The following ROBO2 variants were observed in gnomAD, a reference collection of about 807,000 sequenced individuals.
ROBO2 encodes roundabout guidance receptor 2, also known as roundabout homolog 2.
ROBO2 carries 53 observed loss-of-function variants against 160.8 expected under a neutral mutation model. The observed-to-expected ratio is 0.33, with a 90% CI of 0.26 to 0.41. The LOEUF (loss-of-function observed/expected upper bound fraction) is 0.41. ROBO2 is among the 10% of genes least tolerant of loss of function. The pLI is 1.00. For synonymous variants in ROBO2, 664 were observed against 611.7 expected, an observed-to-expected ratio of 1.09 and a Z score of -1.26; for missense variants, 1,577 against 1,722.4, an observed-to-expected ratio of 0.92 and a Z score of 1.49.
At chr3:76,433,013 GACC>G (rs1366428913) in intron 2 of ROBO2, among the ~76,000 whole-genome samples, 3 of 152,122 alleles carry the variant, frequency 2.0e-5, no homozygotes, top group African/African-American at 7.2e-5. Context: ...TAGAAACTGT[GACC>G]ACCATCTCAA....
intron 2 of ROBO2, among the ~76,000 whole-genome samples, chr3:76,022,004 T>C (rs910982119): frequency 5.9e-5 from 9 of 151,784 alleles, no homozygotes; most frequent in African/African-American, 2.2e-4. Context: ...GCCACTGCTC[T>C]ATCAACTAAG....
chr3:77,531,898 T>C (rs2091758200), intron 6 of ROBO2, among the ~76,000 whole-genome samples: 1 of 152,076 alleles, frequency 6.6e-6, no homozygotes, highest in Admixed American at 6.6e-5. Flanking sequence ...TCTTAATGTT[T>C]CCTGCACCTG....
chr3:76,354,646 G>T (rs1205586651), intron 2 of ROBO2, among the ~76,000 whole-genome samples: 1 of 151,748 alleles, frequency 6.6e-6, no homozygotes, highest in Non-Finnish European at 1.5e-5. Context: ...TCATCTGAAG[G>T]TGATGAATTT....
intron 2 of ROBO2, among the ~76,000 whole-genome samples, chr3:77,340,103 T>C (rs2066907166): frequency 6.6e-6 from 1 of 152,128 alleles, no homozygotes; most frequent in African/African-American, 2.4e-5. Flanking sequence ...TGTCCTATGT[T>C]CTTTGCTATC....
intron 2 of ROBO2, among the ~76,000 whole-genome samples, chr3:75,998,797 A>G (rs2065800885): frequency 6.6e-6 from 1 of 152,228 alleles, no homozygotes; most frequent in African/African-American, 2.4e-5. Flanking sequence ...AATAATTAGT[A>G]AGGACTGTGA....
chr3:75,939,007 AG>A (rs1947918864), intron 2 of ROBO2, among the ~76,000 whole-genome samples: 2 of 152,066 alleles, frequency 1.3e-5, no homozygotes, highest in African/African-American at 4.8e-5. Flanking sequence ...TGTGGCTGTA[AG>A]AGTTGTTTAT....
At chr3:76,640,918 C>T (rs725226) in intron 2 of ROBO2, among the ~76,000 whole-genome samples, 25,363 of 152,072 alleles carry the variant, frequency 0.17, 2,307 homozygotes, top group Non-Finnish European at 0.2. Context: ...ATTTGAGCGG[C>T]AAAATGAATA....
intron 2 of ROBO2, among the ~76,000 whole-genome samples, chr3:77,260,112 G>A (rs967510626): frequency 9.2e-5 from 14 of 152,052 alleles, no homozygotes; most frequent in African/African-American, 1.7e-4. Flanking sequence ...AATGTCTGAT[G>A]AAAGTAATAA....
intron 1 of ROBO2, among the ~76,000 whole-genome samples, chr3:75,927,808 T>C (rs1947346931): frequency 6.6e-6 from 1 of 152,184 alleles, no homozygotes; most frequent in Admixed American, 6.5e-5. Context: ...ATTTAACAAA[T>C]TCTCCTCTTT....
intron 2 of ROBO2, among the ~76,000 whole-genome samples, chr3:76,379,027 T>C (rs1417169028): frequency 6.6e-6 from 1 of 152,158 alleles, no homozygotes; most frequent in Non-Finnish European, 1.5e-5. Flanking sequence ...AAGATCATAA[T>C]ATCAGCATTG....
At chr3:76,389,011 A>G (rs2108625007) in intron 2 of ROBO2, among the ~76,000 whole-genome samples, 1 of 152,344 alleles carries the variant, frequency 6.6e-6, no homozygotes, top group East Asian at 1.9e-4. Context: ...CTGTCTTCAA[A>G]AACTACACTT....
At chr3:76,082,256 G>A (rs2068860901) in intron 2 of ROBO2, among the ~76,000 whole-genome samples, 1 of 152,186 alleles carries the variant, frequency 6.6e-6, no homozygotes, top group South Asian at 2.1e-4. Context: ...ACCAGAGAAA[G>A]TGACATTTAA....
intron 24 of ROBO2, among the ~76,000 whole-genome samples, chr3:77,641,904 C>T (rs2095355852): frequency 2.0e-5 from 3 of 152,102 alleles, no homozygotes; most frequent in Non-Finnish European, 4.4e-5. Context: ...CTGATATTTA[C>T]TTTAAAGAGC....
chr3:77,132,386 G>GT (rs11425383), intron 2 of ROBO2, among the ~76,000 whole-genome samples: 49,865 of 151,228 alleles, frequency 0.33, 10,027 homozygotes, highest in Middle Eastern at 0.47. Flanking sequence ...ATTAATATGG[G>GT]TTTTTTTTGG....
intron 1 of ROBO2, among the ~76,000 whole-genome samples, chr3:75,925,960 TAAAAG>T (rs1289802344): frequency 2.6e-5 from 4 of 151,804 alleles, no homozygotes; most frequent in African/African-American, 7.2e-5. Flanking sequence ...CATATTTTCT[TAAAAG>T]TAAACAAAAA....
intron 2 of ROBO2, among the ~76,000 whole-genome samples, chr3:77,153,134 C>T (rs2077683175): frequency 6.6e-6 from 1 of 152,122 alleles, no homozygotes; most frequent in Non-Finnish European, 1.5e-5. Context: ...AATGCTTCTT[C>T]TTCCAGTTTT....
chr3:77,071,603 TGAGG>T (rs1298664515), intron 1 of ROBO2, among the ~76,000 whole-genome samples: 1 of 152,164 alleles, frequency 6.6e-6, no homozygotes, highest in Non-Finnish European at 1.5e-5. Context: ...GCAGCTTGCC[TGAGG>T]GTCACGGAGC....
chr3:76,852,205 G>A (rs1164933283), intron 2 of ROBO2, among the ~76,000 whole-genome samples: 2 of 152,092 alleles, frequency 1.3e-5, no homozygotes, highest in Admixed American at 6.6e-5. Flanking sequence ...CTGGAGAAAA[G>A]CATTTTAGTG....
intron 2 of ROBO2, among the ~76,000 whole-genome samples, chr3:76,687,960 C>CT (rs1169203740): frequency 2.0e-5 from 3 of 151,720 alleles, no homozygotes; most frequent in African/African-American, 7.2e-5. Context: ...GCTTATGCCA[C>CT]TTTGTATGAA....
Sources: allele counts gnomAD v4.1 joint callset (sites outside exome capture counted in the v4.1 genomes callset), GRCh38; gene constraint gnomAD v4.1.1; transcripts MANE v1.5; gene names NCBI Gene and HGNC (gene_info 2026-07-23, HGNC 2026-07-21).